The following MED27 variants were observed in gnomAD, a reference collection of about 807,000 sequenced individuals.
The protein encoded by MED27 is mediator complex subunit 27.
MED27 carries 30 observed loss-of-function variants against 38.2 expected under a neutral mutation model. The ratio of observed to expected loss-of-function variants is 0.79; its 90% CI spans 0.59 to 1.07. The LOEUF is 1.07. Among genes scored for constraint, MED27 ranks in the 50% least tolerant of loss-of-function variants. The probability of loss-of-function intolerance (pLI) is 0.00; values close to 1 mark genes in which losing one functional copy is unlikely to be tolerated. For missense variants in MED27, 289 were observed against 397.5 expected (o/e 0.73, Z 2.32); for synonymous variants, 122 against 153.5 (o/e 0.79, Z 1.52).
At chr9:132,069,386 T>A (rs911590703) in intron 2 of MED27, among the ~76,000 whole-genome samples, 1 of 152,106 alleles carries the variant, frequency 6.6e-6, no homozygotes, top group African/African-American at 2.4e-5. Context: ...CCACAACTAA[T>A]AAGTAGAACA....
chr9:131,996,815 C>A (rs1216602377), intron 3 of MED27, among the ~76,000 whole-genome samples: 1 of 152,190 alleles, frequency 6.6e-6, no homozygotes, highest in Non-Finnish European at 1.5e-5. Context: ...TTATGAGGAT[C>A]CACTTCCACT....
intron 3 of MED27, among the ~76,000 whole-genome samples, chr9:131,941,817 A>ATTTTTTTTTTTTTTTTTT (rs766438800): frequency 6.1e-5 from 5 of 82,516 alleles, no homozygotes; most frequent in African/African-American, 1.0e-4. Context: ...ATTCTGCTGA[A>ATTTTTTTTTTTTTTTTTT]TTTTTTTTTT....
chr9:132,015,136 G>A (rs1832574947), intron 2 of MED27, among the ~76,000 whole-genome samples: 1 of 152,178 alleles, frequency 6.6e-6, no homozygotes, highest in South Asian at 2.1e-4. Context: ...CAGAACCACT[G>A]AGCTATCTTT....
intron 2 of MED27, among the ~76,000 whole-genome samples, chr9:132,026,438 T>A (rs1832820444): frequency 1.3e-5 from 2 of 152,244 alleles, no homozygotes; most frequent in South Asian, 4.1e-4. Context: ...TTCCCAAGGC[T>A]GACCACTGTA....
At chr9:131,970,930 T>G (rs1303223110) in intron 3 of MED27, among the ~76,000 whole-genome samples, 4 of 152,156 alleles carry the variant, frequency 2.6e-5, no homozygotes, top group Non-Finnish European at 4.4e-5. Context: ...GGCAGAGTAT[T>G]GATGATATGA....
At chr9:131,909,072 G>T (rs373301169) in intron 4 of MED27, among the ~76,000 whole-genome samples, 38 of 152,088 alleles carry the variant, frequency 2.5e-4, no homozygotes, top group African/African-American at 8.7e-4. Context: ...GAATTGATAT[G>T]ATTTGCTGAT....
rs571508010 is a variant in MED27 at position 131,996,161 on chromosome 9, C to T, written c.479+18176G>A. Among the ~76,000 whole-genome samples, 23 of 152,364 alleles carry T rather than the reference C, an allele frequency of 1.5e-4. No individual in the cohort carries two copies. The South Asian group carries it at 1.7e-3, about 11-fold the overall frequency. On this transcript the variant is annotated intron_variant, in intron 3 of 7. Transcript: ENST00000292035. Reference sequence around the variant, plus strand: ...AGTAGTCAAAAAGAAGAGTCACCATCTTGCCAAATTGGTTCTGCTCGTAAG... The same window carrying T: ...AGTAGTCAAAAAGAAGAGTCACCATTTTGCCAAATTGGTTCTGCTCGTAAG...
intron 3 of MED27, among the ~76,000 whole-genome samples, chr9:131,945,795 TAAAAAA>T (rs56741813): frequency 8.4e-6 from 1 of 119,022 alleles, no homozygotes; most frequent in Non-Finnish European, 1.8e-5. Context: ...TCCTGTCTCT[TAAAAAA>T]AAAAAAAAAA....
intron 3 of MED27, among the ~76,000 whole-genome samples, chr9:131,972,548 C>G (rs545658463): frequency 6.6e-6 from 1 of 152,192 alleles, no homozygotes; most frequent in African/African-American, 2.4e-5. Flanking sequence ...TATACATTCA[C>G]GTTTAGTAAA....
intron 3 of MED27, among the ~76,000 whole-genome samples, chr9:132,001,205 G>A (rs1832226408): frequency 6.6e-6 from 1 of 152,170 alleles, no homozygotes; most frequent in South Asian, 2.1e-4. Context: ...GTTGCTTGGG[G>A]TGAGGGTGAA....
intron 2 of MED27, among the ~76,000 whole-genome samples, chr9:132,062,371 T>C (rs1833714917): frequency 6.6e-6 from 1 of 152,046 alleles, no homozygotes; most frequent in Non-Finnish European, 1.5e-5. Flanking sequence ...ACTTGGGGAG[T>C]TAGAAAAGAC....
chr9:132,078,509 C>T (rs1377660390), intron 1 of MED27, among the ~76,000 whole-genome samples: 1 of 152,030 alleles, frequency 6.6e-6, no homozygotes, highest in Non-Finnish European at 1.5e-5. Flanking sequence ...TGGTGCTCGG[C>T]GCGGTGCCAG....
chr9:132,031,961 C>G (rs748210125), intron 2 of MED27: 2 of 152,216 alleles, frequency 1.3e-5, no homozygotes, highest in Non-Finnish European at 1.5e-5. Context: ...CAGATGCCTT[C>G]CCTCCCACAC....
intron 3 of MED27, among the ~76,000 whole-genome samples, chr9:131,986,999 A>ATTTTTTT (rs66519112): frequency 5.0e-4 from 23 of 46,254 alleles, no homozygotes; most frequent in Non-Finnish European, 7.1e-4. Context: ...GAGTTCATGG[A>ATTTTTTT]TTTTTTTTTT....
intron 2 of MED27, among the ~76,000 whole-genome samples, chr9:132,053,730 T>A (rs1316116619): frequency 6.6e-6 from 1 of 152,154 alleles, no homozygotes; most frequent in Non-Finnish European, 1.5e-5. Context: ...CTGCTTCTCC[T>A]ACTTTTCTCC....
At chr9:131,903,146 G>A (rs1365066127) in intron 4 of MED27, among the ~76,000 whole-genome samples, 1 of 152,222 alleles carries the variant, frequency 6.6e-6, no homozygotes, top group Non-Finnish European at 1.5e-5. Flanking sequence ...ATGTACAAAA[G>A]AAAGAGGTTT....
chr9:132,035,771 T>A (rs1212923368), intron 2 of MED27, among the ~76,000 whole-genome samples: 1 of 152,120 alleles, frequency 6.6e-6, no homozygotes, highest in Non-Finnish European at 1.5e-5. Context: ...AAGACCAGCC[T>A]AGGCAACATA....
chr9:131,932,382 GA>G lies in MED27; in HGVS notation c.573+6998del, dbSNP rs55702268. On this transcript the variant is annotated intron_variant, in intron 4 of 7. Transcript: ENST00000292035. ...CAAACCTTTAGCCAGACTAATTAGGGAAAAAAAAAAAGAGAGAAGATACAAA... is the reference window on the plus strand; with the variant it reads ...CAAACCTTTAGCCAGACTAATTAGGGAAAAAAAAAAGAGAGAAGATACAAA... Among the ~76,000 whole-genome samples, 279 of 139,398 alleles carry G rather than the reference GA, an allele frequency of 2.0e-3. 2 individuals carry two copies. The highest frequency in any genetic ancestry group is 6.5e-3 in the African/African-American group (245 of 37,614). The allele number at this position is 139,398 out of a possible 152,430, so 91.5% of individuals were successfully genotyped here.
At chr9:131,937,742 G>A (rs1275506113) in intron 4 of MED27, among the ~76,000 whole-genome samples, 4 of 152,068 alleles carry the variant, frequency 2.6e-5, no homozygotes. Context: ...GGCCCTGTCA[G>A]GTATGCTGAG....
Sources: allele counts gnomAD v4.1 joint callset (sites outside exome capture counted in the v4.1 genomes callset), GRCh38; gene constraint gnomAD v4.1.1; transcripts MANE v1.5; gene names NCBI Gene and HGNC (gene_info 2026-07-23, HGNC 2026-07-21).